Variants in EXOC2 observed in about 807,000 individuals in gnomAD.
EXOC2 encodes the protein SEC5-like 1.
EXOC2 carries 70 observed loss-of-function variants against 131.8 expected under a neutral mutation model. The ratio of observed to expected loss-of-function variants is 0.53; its 90% CI spans 0.44 to 0.65. The LOEUF is 0.65. Among genes scored for constraint, EXOC2 ranks in the 30% least tolerant of loss-of-function variants. EXOC2 has a pLI of 0.00. For missense variants in EXOC2, 923 were observed against 1,108.6 expected (o/e 0.83, Z 2.38); for synonymous variants, 411 against 398.4 (o/e 1.03, Z -0.38).
intron 5 of EXOC2, among the ~76,000 whole-genome samples, chr6:618,242 A>G (rs548352736): frequency 4.6e-5 from 7 of 152,226 alleles, no homozygotes; most frequent in Non-Finnish European, 1.0e-4. Context: ...TGCTTTGTAC[A>G]TTCACTGAAG....
Position 617,703 on chromosome 6 carries a change from C to G in EXOC2, c.661+8G>C, listed in dbSNP as rs774574976. 6.2e-7 allele frequency: 1 copy of G among 1,609,348 alleles called. No homozygotes were observed. Among genetic ancestry groups the G allele is most frequent in the African/African-American group, 1.3e-5 (1 of 74,826 alleles). ...GCTGCCAGCAGATGGCTCTGAGGAT[C>G]GCCTTACCTGAGAGGGCATCCTGTG... On this transcript the variant is annotated splice_region_variant and intron_variant, in intron 6 of 27. Coordinates refer to ENST00000230449, the MANE Select transcript of EXOC2 (RefSeq NM_018303.6).
intron 1 of EXOC2, among the ~76,000 whole-genome samples, chr6:652,910 A>T (rs1762897385): frequency 6.6e-6 from 1 of 152,246 alleles, no homozygotes. Context: ...CCATTCTTCT[A>T]AAAGCATGTG....
Position 564,036 on chromosome 6 carries a change from C to A in EXOC2, c.1786G>T (p.Glu596Ter). 6.2e-7 allele frequency: 1 copy of A among 1,613,698 alleles called. No homozygotes were observed. Among genetic ancestry groups the A allele is most frequent in the Non-Finnish European group, 8.5e-7 (1 of 1,179,842 alleles). The stretch of plus-strand genomic sequence containing the variant: ...TCACCGATTTATCAAAACACACCTT[C>A]CGCCGTGTGCTGCAACGTGGCCATT... ...CVMATLQHTA[E>*]EIKRLAEKED... Residue 596 changes from glutamate (E) to a stop codon, truncating the protein, a stop_gained, in exon 16 of 28, where the codon GAA (glutamate) becomes TAA (stop). Coordinates refer to ENST00000230449, the MANE Select transcript of EXOC2 (RefSeq NM_018303.6). LOFTEE classifies it high-confidence loss of function.
intron 23 of EXOC2, among the ~76,000 whole-genome samples, chr6:516,439 C>G (rs115517113): frequency 6.6e-6 from 1 of 152,220 alleles, no homozygotes; most frequent in Admixed American, 6.5e-5. Flanking sequence ...CCCGGCCCAA[C>G]AGAGCTGTGT....
rs539336969 is a variant in EXOC2 at position 503,246 on chromosome 6, C to T, written c.2381-3546G>A. On this transcript the variant is annotated intron_variant, in intron 23 of 27. Coordinates refer to ENST00000230449, the MANE Select transcript of EXOC2 (RefSeq NM_018303.6). The stretch of plus-strand genomic sequence containing the variant: ...TAAAAGTTCTCATTCATTCAACTAA[C>T]ATAAATTCATTGAGATCCTACTACA... Among the ~76,000 whole-genome samples the T allele has an allele frequency of 4.0e-5, 6 of 151,638 alleles. No homozygotes were observed. In the South Asian group the frequency reaches 1.3e-3, roughly 32 times the overall value.
At chr6:563,323 C>G (rs1757797813) in intron 16 of EXOC2, among the ~76,000 whole-genome samples, 1 of 152,156 alleles carries the variant, frequency 6.6e-6, no homozygotes, top group Non-Finnish European at 1.5e-5. Flanking sequence ...GGCTCAGGTT[C>G]CTAGGTGAGG....
chr6:562,213 C>A (rs1278298720), intron 17 of EXOC2, among the ~76,000 whole-genome samples: 2 of 152,254 alleles, frequency 1.3e-5, no homozygotes, highest in Non-Finnish European at 2.9e-5. Context: ...GATGTGTCGG[C>A]CGCTGCCTGG....
intron 22 of EXOC2, among the ~76,000 whole-genome samples, chr6:546,632 G>A (rs1416591969): frequency 6.6e-6 from 1 of 152,160 alleles, no homozygotes; most frequent in Admixed American, 6.5e-5. Flanking sequence ...ACATGAAGAT[G>A]AGGAGGATGA....
intron 20 of EXOC2, 98 bp from the exon 21 acceptor site, chr6:554,018 G>A: frequency 2.1e-6 from 2 of 936,412 alleles, no homozygotes; most frequent in African/African-American, 1.7e-5. Context: ...TGAATTATAT[G>A]GAAAACATTT....
intron 23 of EXOC2, chr6:525,053 A>G (rs951480815): frequency 2.0e-5 from 3 of 152,226 alleles, no homozygotes; most frequent in Non-Finnish European, 4.4e-5. Context: ...TGCTTCTCAC[A>G]GCTGGGTTTC....
chr6:538,297 TCAA>T (rs1408511604), intron 22 of EXOC2, among the ~76,000 whole-genome samples: 1 of 152,200 alleles, frequency 6.6e-6, no homozygotes, highest in Non-Finnish European at 1.5e-5. Context: ...TTCTATTAAC[TCAA>T]CAGCCTCATT....
rs1758239378 is a variant in EXOC2, at chr6:570,850, C to T, written c.1443+1670G>A. 2.0e-5 allele frequency among the ~76,000 whole-genome samples: 3 copies of T among 152,176 alleles called. No homozygotes were observed. The South Asian group carries it at 6.2e-4, about 31-fold the overall frequency. On this transcript the variant is annotated intron_variant, in intron 13 of 27. Transcript: ENST00000230449. ...CATGACAGGGGAGCATCTAATCTTTCCTGCCCACACGAACAATTTGGTTTA... is the reference window on the plus strand; with the variant it reads ...CATGACAGGGGAGCATCTAATCTTTTCTGCCCACACGAACAATTTGGTTTA...
At chr6:623,649 T>C (rs966665509) in intron 4 of EXOC2, among the ~76,000 whole-genome samples, 1 of 152,212 alleles carries the variant, frequency 6.6e-6, no homozygotes, top group African/African-American at 2.4e-5. Context: ...GGACCCTCTC[T>C]GCTGAAACAC....
At chr6:564,490 A>C in intron 15 of EXOC2, 55 bp downstream of exon 15, 1 of 1,603,550 alleles carries the variant, frequency 6.2e-7, no homozygotes, top group Non-Finnish European at 8.5e-7. Context: ...AATTCTTTCC[A>C]AAAAGTTAAA....
At chr6:620,448 T>C (rs1393454301) in intron 4 of EXOC2, among the ~76,000 whole-genome samples, 1 of 152,198 alleles carries the variant, frequency 6.6e-6, no homozygotes, top group Non-Finnish European at 1.5e-5. Flanking sequence ...ACTTTGTTCG[T>C]CTGATTTGCC....
chr6:549,332 G>A (rs1186851789), intron 21 of EXOC2, 41 bp from the exon 22 acceptor site: 1 of 1,432,896 alleles, frequency 7.0e-7, no homozygotes, highest in Admixed American at 1.7e-5. Context: ...CCTTTATGGT[G>A]CCAGAGAGAA....
chr6:625,046 G>A (rs1294583607), intron 4 of EXOC2, among the ~76,000 whole-genome samples: 6 of 152,182 alleles, frequency 3.9e-5, no homozygotes, highest in Non-Finnish European at 5.9e-5. Flanking sequence ...TTTCAGTCAC[G>A]GACAATTCCT....
At chr6:653,389 T>G (rs552127645) in intron 1 of EXOC2, among the ~76,000 whole-genome samples, 51 of 152,348 alleles carry the variant, frequency 3.3e-4, no homozygotes, top group African/African-American at 1.2e-3. Flanking sequence ...GAAATTAAAA[T>G]TGCTACTCTA....
At chr6:663,382 A>C (rs997326949) in intron 1 of EXOC2, among the ~76,000 whole-genome samples, 1 of 152,176 alleles carries the variant, frequency 6.6e-6, no homozygotes, top group African/African-American at 2.4e-5. Flanking sequence ...AATTGGTACC[A>C]ATCCTTTTGA....
Sources: allele counts gnomAD v4.1 joint callset (sites outside exome capture counted in the v4.1 genomes callset), GRCh38; gene constraint gnomAD v4.1.1; transcripts MANE v1.5; gene names NCBI Gene and HGNC (gene_info 2026-07-23, HGNC 2026-07-21).